The following OTUD7A variants were observed in gnomAD, a reference collection of about 807,000 sequenced individuals.
The protein encoded by OTUD7A is OTU deubiquitinase 7A.
Under a neutral mutation model 65.7 loss-of-function variants are expected in OTUD7A, and 12 were observed. The observed-to-expected ratio is 0.18, with a 90% CI of 0.12 to 0.30. OTUD7A has a LOEUF of 0.30. Ranked by LOEUF, OTUD7A falls within the 10% of genes least tolerant of loss-of-function variation. OTUD7A has a pLI of 1.00. For missense variants in OTUD7A, 1,148 were observed against 1,304.8 expected (o/e 0.88, Z 1.85); for synonymous variants, 641 against 586.3 (o/e 1.09, Z -1.35).
intron 6 of OTUD7A, among the ~76,000 whole-genome samples, chr15:31,528,822 T>TG (rs1287770813): frequency 1.3e-5 from 2 of 152,268 alleles, no homozygotes; most frequent in African/African-American, 4.8e-5. Flanking sequence ...GAATGTCATG[T>TG]GGCAGCTTTG....
chr15:31,629,070 T>C (rs1891056668), intron 3 of OTUD7A, among the ~76,000 whole-genome samples: 1 of 152,068 alleles, frequency 6.6e-6, no homozygotes, highest in Non-Finnish European at 1.5e-5. Flanking sequence ...TTTTCCTAAT[T>C]GAATACCCTT....
chr15:31,543,958 A>G (rs1182649473), intron 5 of OTUD7A, among the ~76,000 whole-genome samples: 1 of 151,882 alleles, frequency 6.6e-6, no homozygotes, highest in Non-Finnish European at 1.5e-5. Flanking sequence ...GCACACATGG[A>G]ATGATTTTAA....
At chr15:31,790,227 A>C (rs1383430082) in intron 1 of OTUD7A, among the ~76,000 whole-genome samples, 1 of 152,150 alleles carries the variant, frequency 6.6e-6, no homozygotes, top group African/African-American at 2.4e-5. Context: ...GGGCCTGTAA[A>C]AACTAGGCGG....
chr15:31,554,333 G>T (rs934489597), intron 5 of OTUD7A, among the ~76,000 whole-genome samples: 15 of 152,164 alleles, frequency 9.9e-5, no homozygotes, highest in African/African-American at 3.6e-4. Context: ...GGGGCATTTC[G>T]TGGGCATTCA....
At chr15:31,562,745 G>A (rs2141162997) in intron 4 of OTUD7A, among the ~76,000 whole-genome samples, 1 of 152,234 alleles carries the variant, frequency 6.6e-6, no homozygotes, top group Non-Finnish European at 1.5e-5. Flanking sequence ...TAGGCTTTGT[G>A]GGCCATGCAG....
At chr15:31,855,752 CCT>C (rs373368990) in intron 1 of OTUD7A, among the ~76,000 whole-genome samples, 9 of 152,158 alleles carry the variant, frequency 5.9e-5, no homozygotes, top group Admixed American at 1.3e-4. Flanking sequence ...CCTTTCAACC[CCT>C]GAGTGAGCAG....
intron 3 of OTUD7A, among the ~76,000 whole-genome samples, chr15:31,630,956 C>A (rs1891129015): frequency 6.6e-6 from 1 of 152,278 alleles, no homozygotes; most frequent in Non-Finnish European, 1.5e-5. Context: ...CTTCCTCCAT[C>A]CCTTTATTTT....
At chr15:31,623,377 G>C (rs1890856481) in intron 3 of OTUD7A, among the ~76,000 whole-genome samples, 1 of 152,218 alleles carries the variant, frequency 6.6e-6, no homozygotes, top group Admixed American at 6.5e-5. Flanking sequence ...AGTCTACAGA[G>C]GCAGGCAGGC....
intron 3 of OTUD7A, among the ~76,000 whole-genome samples, chr15:31,604,676 C>T (rs1457252305): frequency 6.6e-6 from 1 of 152,182 alleles, no homozygotes; most frequent in African/African-American, 2.4e-5. Flanking sequence ...AGTGCCTTTA[C>T]ATAAAGTGCA....
chr15:31,852,450 GAATTTAA>G (rs1486767691), intron 1 of OTUD7A, among the ~76,000 whole-genome samples: 2 of 152,074 alleles, frequency 1.3e-5, no homozygotes, highest in African/African-American at 4.8e-5. Flanking sequence ...TTTAAACTGA[GAATTTAA>G]AACAAACAAA....
At chr15:31,627,501 T>A (rs1257907359) in intron 3 of OTUD7A, among the ~76,000 whole-genome samples, 1 of 152,054 alleles carries the variant, frequency 6.6e-6, no homozygotes, top group South Asian at 2.1e-4. Flanking sequence ...TGTTGGACAT[T>A]TGGGTTGGTT....
chr15:31,680,974 A>C (rs150065430), intron 1 of OTUD7A, among the ~76,000 whole-genome samples: 4,341 of 143,018 alleles, frequency 0.03, 635 homozygotes, highest in African/African-American at 0.12. Flanking sequence ...TTTCTTAGAA[A>C]TTTGTTAAGT....
chr15:31,483,598 A>G lies in OTUD7A; in HGVS notation c.2498T>C (p.Leu833Pro). 1 of 1,225,826 alleles carries G rather than the reference A, an allele frequency of 8.2e-7. No individual in the cohort carries two copies. The highest frequency in any genetic ancestry group is 1.0e-6 in the Non-Finnish European group (1 of 987,172). The allele number at this position is 1,225,826 out of a possible 1,614,324, so 75.9% of individuals were successfully genotyped here. A position where few individuals can be genotyped will look rare whatever the true frequency, so the allele number is the denominator to read the frequency against. Residue 833 changes from leucine (L) to proline (P), a missense_variant, in exon 13 of 13, where the codon CTG (leucine) becomes CCG (proline). Physicochemically the swap from Leu to Pro is moderately conservative, Grantham distance 98 (BLOSUM62 -3). Around this residue, in one of 6 missense-constraint regions of OTUD7A, gnomAD observed 842 missense variants for 769.5 expected, o/e 1.09. Transcript: ENST00000307050. ...ALRTVNTVES[L>P]ARAVPGALPG... ...TAGGGCCCCGGGCACCGCGCGCGCC[A>G]GCGACTCGACCGTGTTGACGGTGCG...
chr15:31,672,571 T>C (rs746098568), intron 1 of OTUD7A, among the ~76,000 whole-genome samples: 1 of 152,166 alleles, frequency 6.6e-6, no homozygotes, highest in Non-Finnish European at 1.5e-5. Flanking sequence ...TAGTTCCACT[T>C]TACTAAAGCC....
At chr15:31,711,039 C>T (rs62002677) in intron 1 of OTUD7A, among the ~76,000 whole-genome samples, 21,586 of 149,666 alleles carry the variant, frequency 0.14, 1,644 homozygotes, top group South Asian at 0.35. Flanking sequence ...GGTTCATGTT[C>T]ATTCAGCTGA....
rs1491446765 is a variant in OTUD7A, at chr15:31,511,065, A to ATG, written c.894-7248_894-7247insCA. Among the ~76,000 whole-genome samples the ATG allele has an allele frequency of 3.7e-3, 223 of 60,604 alleles. 82 individuals carry two copies. Among genetic ancestry groups the ATG allele is most frequent in the South Asian group, 0.015 (31 of 2,000 alleles). 39.8% of individuals were successfully genotyped at this position (60,604 alleles called of 152,430 possible). A position where few individuals can be genotyped will look rare whatever the true frequency, so the allele number is the denominator to read the frequency against. On this transcript the variant is annotated intron_variant, in intron 8 of 12. Coordinates refer to ENST00000307050, the MANE Select transcript of OTUD7A (RefSeq NM_001382637.1). ...ACATGTATATCTATATGTAACATAC[A>ATG]TATATATGTATATCTATATGTAACA...
chr15:31,834,396 T>C (rs1341888948), intron 1 of OTUD7A, among the ~76,000 whole-genome samples: 3 of 152,180 alleles, frequency 2.0e-5, no homozygotes. Context: ...TATATGGTTT[T>C]GTTTTGTTTT....
rs1440020738 is a variant in OTUD7A at position 31,808,095 on chromosome 15, C to CTAAA, written c.-100+62411_-100+62412insTTTA. ...TGTTATATAATTGAGCTAACAAATG[C>CTAAA]CAAACACACACACACACACACACAC... On this transcript the variant is annotated intron_variant, in intron 1 of 12. Coordinates refer to ENST00000307050, the MANE Select transcript of OTUD7A (RefSeq NM_001382637.1). Among the ~76,000 whole-genome samples, 6 of 43,582 alleles carry CTAAA rather than the reference C, an allele frequency of 1.4e-4. 1 individual carries two copies. Among genetic ancestry groups the CTAAA allele is most frequent in the Non-Finnish European group, 2.6e-4 (5 of 19,210 alleles). 28.6% of individuals were successfully genotyped at this position (43,582 alleles called of 152,430 possible).
intron 1 of OTUD7A, among the ~76,000 whole-genome samples, chr15:31,781,863 T>C (rs755490977): frequency 1.3e-5 from 2 of 152,244 alleles, no homozygotes; most frequent in East Asian, 1.9e-4. Flanking sequence ...TCTTCAGCCA[T>C]TTCCATCAGA....
Sources: allele counts gnomAD v4.1 joint callset (sites outside exome capture counted in the v4.1 genomes callset), GRCh38; gene constraint gnomAD v4.1.1; regional missense constraint gnomAD v4.1.1; transcripts MANE v1.5; gene names NCBI Gene and HGNC (gene_info 2026-07-23, HGNC 2026-07-21).